The following USP40 variants were observed in gnomAD, a reference collection of about 807,000 sequenced individuals.
USP40 encodes the protein ubiquitin specific peptidase 40, also known as ubiquitin carboxyl-terminal hydrolase 40.
USP40 carries 143 observed loss-of-function variants against 166.2 expected under a neutral mutation model. That is an observed-to-expected ratio of 0.86 (90% CI 0.75 to 0.99). USP40 has a LOEUF of 0.99. Among genes scored for constraint, USP40 ranks in the 50% least tolerant of loss-of-function variants. The probability of loss-of-function intolerance (pLI) is 0.00; values close to 1 mark genes in which losing one functional copy is unlikely to be tolerated. For missense variants in USP40, 1,444 were observed against 1,479.7 expected, an observed-to-expected ratio of 0.98 and a Z score of 0.40; for synonymous variants, 498 against 524.0, an observed-to-expected ratio of 0.95 and a Z score of 0.68.
At position 233,477,306 on chromosome 2, in the gene USP40, A is replaced by G. The variant is rs1575200685; in HGVS notation, c.*86T>C. 7.9e-7 allele frequency: 1 copy of G among 1,258,842 alleles called. No homozygotes were observed. The highest frequency in any genetic ancestry group is 1.1e-6 in the Non-Finnish European group (1 of 887,304). 78.0% of individuals were successfully genotyped at this position (1,258,842 alleles called of 1,614,324 possible). A position where few individuals can be genotyped will look rare whatever the true frequency, so the allele number is the denominator to read the frequency against. On this transcript the variant is annotated 3_prime_UTR_variant, in exon 32 of 32. Coordinates refer to ENST00000678225, the MANE Select transcript of USP40 (RefSeq NM_001365479.2). ...CAGAGGATTTGGGATTGGAGGCGCC[A>G]GGCAGCCAGTCCCCATGCCCAGGAA...
At chr2:233,497,864 C>T (rs2065837856) in intron 23 of USP40, among the ~76,000 whole-genome samples, 1 of 152,198 alleles carries the variant, frequency 6.6e-6, no homozygotes, top group African/African-American at 2.4e-5. Flanking sequence ...CCCAGCATAC[C>T]TCCCTAAATC....
At position 233,523,464 on chromosome 2, in the gene USP40, C is replaced by T; in HGVS notation, c.1907G>A (p.Gly636Asp). Residue 636 changes from glycine (G) to aspartate (D), a missense_variant, in exon 16 of 32, where the codon GGT (glycine) becomes GAT (aspartate). Transcript: ENST00000678225. ...VEVGGVHIQT[G>D]IDCEPLLLNV... ...TAAAAGTAGAGGTTCGCAGTCAATA[C>T]CAGTTTGAATGTGGACTCCACCAAC... 6.2e-7 allele frequency: 1 copy of T among 1,613,656 alleles called. No homozygotes were observed. Among genetic ancestry groups the T allele is most frequent in the Non-Finnish European group, 8.5e-7 (1 of 1,179,700 alleles).
rs375703858 is a variant in USP40 at position 233,493,462 on chromosome 2, C to A, written c.2880G>T (p.Ser960=). ...ESHQDQTNCT[S]SWGRVWRATS... ...TGGCTCTCCAAACTCTGCCCCAAGA[C>A]GAAGTACAGTTGGTCTGGTCCTGAT... is the stretch of plus-strand genomic sequence containing the variant. Residue 960 remains serine (S), a synonymous_variant, in exon 25 of 32, where the codon TCG becomes TCT. Transcript: ENST00000678225. The surrounding 1 kb of genome is among the most constrained non-coding windows in gnomAD (Gnocchi z 4.7). The A allele has an allele frequency of 6.2e-7, 1 of 1,613,976 alleles. No individual in the cohort carries two copies.
In USP40 at chr2:233,493,675, AGATT is replaced by A; in HGVS notation, c.2791-128_2791-125del. 2.6e-6 allele frequency: 3 copies of A among 1,166,922 alleles called. No homozygotes were observed. The highest frequency in any genetic ancestry group is 3.5e-6 in the Non-Finnish European group (3 of 867,616). 72.3% of individuals were successfully genotyped at this position (1,166,922 alleles called of 1,614,324 possible). A position where few individuals can be genotyped will look rare whatever the true frequency, so the allele number is the denominator to read the frequency against. ...TCTTGAACTTATCATTTTTCCTTTT[AGATT>A]TATTAACTGTCATAAATTATACTTG... On this transcript the variant is annotated intron_variant, in intron 24 of 31. Coordinates refer to ENST00000678225, the MANE Select transcript of USP40 (RefSeq NM_001365479.2). This position sits in a 1 kb window ranked among gnomAD's most constrained non-coding sequence, Gnocchi z 4.7.
Position 233,527,550 on chromosome 2 carries a change from A to C in USP40, c.1582T>G (p.Phe528Val). 4 of 1,611,528 alleles carry C rather than the reference A, an allele frequency of 2.5e-6. No homozygotes were observed. In the South Asian group the frequency reaches 4.4e-5, roughly 18 times the overall value. ...RAECDSANNTFELHLHLGPQY... is the reference protein window; with the variant it reads ...RAECDSANNTVELHLHLGPQY... ...GGGCCCAGGTGAAGATGCAATTCAA[A>C]AGTATTGTTTGCAGAATCACATTCT... is the stretch of plus-strand genomic sequence containing the variant. Residue 528 changes from phenylalanine to valine, a missense_variant, in exon 13 of 32, where the codon TTT (phenylalanine) becomes GTT (valine). By Grantham distance (50) the Phe-to-Val change is conservative (BLOSUM62 -1). Coordinates refer to ENST00000678225, the MANE Select transcript of USP40 (RefSeq NM_001365479.2).
chr2:233,489,581 C>T, intron 26 of USP40, 98 bp from the exon 27 acceptor site: 1 of 941,118 alleles, frequency 1.1e-6, no homozygotes, highest in South Asian at 1.7e-5. Context: ...ACAGTGGCAT[C>T]TCAAGGAAAG....
At chr2:233,529,402 G>C (rs1164475850) in intron 12 of USP40, 29 bp downstream of exon 12, 2 of 1,533,928 alleles carry the variant, frequency 1.3e-6, no homozygotes, top group South Asian at 1.2e-5. Context: ...CGGAATACTA[G>C]TCAAACTCTA....
intron 20 of USP40, among the ~76,000 whole-genome samples, chr2:233,510,741 G>A (rs2066769305): frequency 6.6e-6 from 1 of 151,974 alleles, no homozygotes. Context: ...CTCCATCTCT[G>A]TCTCGATCAC....
At chr2:233,496,070 C>G (rs1305407969) in intron 24 of USP40, among the ~76,000 whole-genome samples, 1 of 152,220 alleles carries the variant, frequency 6.6e-6, no homozygotes, top group Non-Finnish European at 1.5e-5. Context: ...AACTGTGGCT[C>G]TCTCTGCAGA....
intron 21 of USP40, among the ~76,000 whole-genome samples, chr2:233,501,612 C>T (rs1330682051): frequency 6.6e-6 from 1 of 152,100 alleles, no homozygotes; most frequent in Non-Finnish European, 1.5e-5. Context: ...GTGGTCAGAT[C>T]CTAGATGCAT....
intron 6 of USP40, among the ~76,000 whole-genome samples, chr2:233,553,096 G>A (rs928319087): frequency 6.6e-6 from 1 of 152,104 alleles, no homozygotes; most frequent in Non-Finnish European, 1.5e-5. Flanking sequence ...GAAGGTTAGA[G>A]ACAGCACATC....
At chr2:233,555,516 A>AT (rs1216455901) in intron 5 of USP40, among the ~76,000 whole-genome samples, 9 of 152,122 alleles carry the variant, frequency 5.9e-5, no homozygotes, top group African/African-American at 2.2e-4. Flanking sequence ...TTAATTTATA[A>AT]TGGCCTTACA....
chr2:233,477,079 C>A lies in USP40; in HGVS notation c.*313G>T. The A allele has an allele frequency of 2.6e-6, 1 of 383,090 alleles. No homozygotes were observed. The allele number at this position is 383,090 out of a possible 1,614,324, so 23.7% of individuals were successfully genotyped here. On this transcript the variant is annotated 3_prime_UTR_variant, in exon 32 of 32. Transcript: ENST00000678225. ...GCTGCCTCCATACCTGCGGTTCACGCACACGTTGTGCATTTTCTGGTTAAA... is the reference window on the plus strand; with the variant it reads ...GCTGCCTCCATACCTGCGGTTCACGAACACGTTGTGCATTTTCTGGTTAAA...
At position 233,566,701 on chromosome 2, in the gene USP40, C is replaced by A. The variant is rs1181305481; in HGVS notation, c.-37G>T. 2 of 985,950 alleles carry A rather than the reference C, an allele frequency of 2.0e-6. No individual in the cohort carries two copies. Among genetic ancestry groups the A allele is most frequent in the South Asian group, 4.7e-5 (1 of 21,300 alleles). 61.1% of individuals were successfully genotyped at this position (985,950 alleles called of 1,614,324 possible). On this transcript the variant is annotated 5_prime_UTR_variant, in exon 1 of 32. Transcript: ENST00000678225. Reference sequence around the variant, plus strand: ...GCACTTACTGCCTAAAGCCCAGACCCCCGCCCTGGCCAAAACGCGAAGCGA... The same window carrying A: ...GCACTTACTGCCTAAAGCCCAGACCACCGCCCTGGCCAAAACGCGAAGCGA...
chr2:233,481,979 T>C (rs902594722), intron 30 of USP40, among the ~76,000 whole-genome samples: 2 of 152,204 alleles, frequency 1.3e-5, no homozygotes, highest in African/African-American at 4.8e-5. Context: ...TGCTGGGGGT[T>C]GCCCAGGTCG....
intron 17 of USP40, among the ~76,000 whole-genome samples, chr2:233,519,879 A>T (rs145978151): frequency 1.1e-3 from 160 of 152,290 alleles, no homozygotes; most frequent in African/African-American, 3.7e-3. Context: ...AGTTTTTACC[A>T]AATTGATGTT....
chr2:233,512,729 A>G (rs1311372698), intron 18 of USP40, 107 bp from the exon 19 acceptor site: 10 of 519,032 alleles, frequency 1.9e-5, no homozygotes, highest in East Asian at 7.2e-5. Context: ...CACAGAAAAC[A>G]AAAGAGAGAT....
chr2:233,496,623 A>T, intron 24 of USP40, 135 bp downstream of exon 24: 2 of 498,198 alleles, frequency 4.0e-6, no homozygotes, highest in Admixed American at 3.8e-5. Context: ...TCTGATTGAT[A>T]GCATTTGGGG....
At chr2:233,536,811 A>C (rs541776161) in intron 10 of USP40, among the ~76,000 whole-genome samples, 19 of 152,346 alleles carry the variant, frequency 1.2e-4, no homozygotes, top group Admixed American at 7.8e-4. Context: ...ACAGTATAAT[A>C]GTGAAAAATA....
Sources: gnomAD v4.1 joint callset for allele counts (sites outside exome capture counted in the v4.1 genomes callset) on GRCh38, gnomAD v4.1.1 for gene constraint, Gnocchi (gnomAD v3.1) non-coding constraint, MANE v1.5 for transcripts, NCBI Gene and HGNC (gene_info 2026-07-23, HGNC 2026-07-21) for gene names.